KDM2A: variants seen among roughly 807,000 people sequenced by gnomAD.
KDM2A encodes the protein lysine-specific demethylase 2A.
A neutral mutation model predicts 137.3 loss-of-function variants in KDM2A; 3 were observed. The ratio of observed to expected loss-of-function variants is 0.02; its 90% CI spans 0.01 to 0.06. The LOEUF (loss-of-function observed/expected upper bound fraction) is 0.06. KDM2A is among the 10% of genes least tolerant of loss of function. KDM2A has a pLI of 1.00. For missense variants in KDM2A, 738 were observed against 1,510.6 expected, an observed-to-expected ratio of 0.49 and a Z score of 8.48; for synonymous variants, 512 against 541.5, an observed-to-expected ratio of 0.95 and a Z score of 0.76.
At chr11:67,120,647 G>T (rs561736776) in intron 1 of KDM2A, among the ~76,000 whole-genome samples, 26 of 152,156 alleles carry the variant, frequency 1.7e-4, no homozygotes, top group Non-Finnish European at 3.7e-4. Context: ...CACATCTTGT[G>T]TTGGGGTGGA....
At chr11:67,128,493 C>A (rs1215510882) in intron 2 of KDM2A, among the ~76,000 whole-genome samples, 3 of 151,342 alleles carry the variant, frequency 2.0e-5, no homozygotes, top group Non-Finnish European at 4.4e-5. Context: ...AGTCTTTAGT[C>A]TGTGTTGGTA....
At chr11:67,155,877 A>C (rs1374649480) in intron 2 of KDM2A, among the ~76,000 whole-genome samples, 1 of 142,560 alleles carries the variant, frequency 7.0e-6, no homozygotes, top group Non-Finnish European at 1.5e-5. Context: ...CGGCCTCCCA[A>C]AGTGCTGGGA....
intron 5 of KDM2A, among the ~76,000 whole-genome samples, chr11:67,187,375 G>A (rs1857233767): frequency 6.6e-6 from 1 of 151,986 alleles, no homozygotes. Flanking sequence ...GGATAAAAAT[G>A]GCATGACACA....
intron 15 of KDM2A, among the ~76,000 whole-genome samples, chr11:67,247,303 C>T (rs550516841): frequency 1.6e-4 from 24 of 148,284 alleles, no homozygotes; most frequent in African/African-American, 4.4e-4. Context: ...TTGGCCAGGC[C>T]GGTCTCGAAC....
At chr11:67,180,407 C>T (rs1857065403) in intron 3 of KDM2A, 190 bp downstream of exon 3, 1 of 504,924 alleles carries the variant, frequency 2.0e-6, no homozygotes, top group African/African-American at 2.0e-5. Flanking sequence ...TCATTCTCTC[C>T]TATATTAGAA....
chr11:67,248,825 C>T lies in KDM2A; in HGVS notation c.2055+455C>T, dbSNP rs183025155. 6.6e-5 allele frequency among the ~76,000 whole-genome samples: 10 copies of T among 152,298 alleles called. No homozygotes were observed. The East Asian group carries it at 1.9e-3, about 29-fold the overall frequency. On this transcript the variant is annotated intron_variant, in intron 16 of 20. Transcript: ENST00000529006. ...TTTGTGGCCTGGCAGAAAGCCCTGC[C>T]CTGCCCATCCCACATGCCCAAATGT...
Position 67,181,834 on chromosome 11 carries a change from T to G in KDM2A, c.261-12T>G, listed in dbSNP as rs770062376. On this transcript the variant is annotated splice_polypyrimidine_tract_variant and intron_variant, in intron 4 of 20. Coordinates refer to ENST00000529006, the MANE Select transcript of KDM2A (RefSeq NM_012308.3). ...TGTTTTCCATATATACTTACTGGTG[T>G]TTGTTTCATAGAATGCCGGATCCAG... 32 of 1,613,020 alleles carry G rather than the reference T, an allele frequency of 2.0e-5. No individual in the cohort carries two copies. Among genetic ancestry groups the G allele is most frequent in the Non-Finnish European group, 2.5e-6 (3 of 1,179,160 alleles).
chr11:67,169,145 G>A (rs1856818736), intron 2 of KDM2A, among the ~76,000 whole-genome samples: 1 of 151,448 alleles, frequency 6.6e-6, no homozygotes, highest in East Asian at 2.0e-4. Context: ...TAGTAGAGAT[G>A]GGGTTTCAAC....
intron 5 of KDM2A, among the ~76,000 whole-genome samples, chr11:67,192,755 G>A (rs1045079159): frequency 1.3e-5 from 2 of 151,186 alleles, no homozygotes; most frequent in African/African-American, 2.4e-5. Flanking sequence ...TCCATTTCTT[G>A]TCTTACAAAT....
intron 2 of KDM2A, among the ~76,000 whole-genome samples, chr11:67,128,953 C>T (rs1855791024): frequency 6.6e-6 from 1 of 152,196 alleles, no homozygotes; most frequent in African/African-American, 2.4e-5. Flanking sequence ...TGCAGTGGCT[C>T]TCACCTGTGG....
At chr11:67,121,634 T>G (rs1279810446) in intron 2 of KDM2A, among the ~76,000 whole-genome samples, 1 of 152,186 alleles carries the variant, frequency 6.6e-6, no homozygotes, top group African/African-American at 2.4e-5. Context: ...GATTACAATG[T>G]GACAAAGATT....
chr11:67,250,619 G>C lies in KDM2A; in HGVS notation c.2589G>C (p.Glu863Asp), dbSNP rs576681001. 1 of 1,613,102 alleles carries C rather than the reference G, an allele frequency of 6.2e-7. No individual in the cohort carries two copies. The highest frequency in any genetic ancestry group is 1.1e-5 in the South Asian group (1 of 91,028). Residue 863 changes from glutamate to aspartate, a missense_variant, in exon 17 of 21, where the codon GAG (glutamate) becomes GAC (aspartate). Physicochemically the swap from Glu to Asp is conservative, Grantham distance 45 (BLOSUM62 2). Around this residue, in one of 9 missense-constraint regions of KDM2A, gnomAD observed 244 missense variants for 324.6 expected, o/e 0.75. Transcript: ENST00000529006. This position sits in a 1 kb window ranked among gnomAD's most constrained non-coding sequence, Gnocchi z 7.1. ...GAGAGGAGGAGGAAGAGGAGGAGGA[G>C]GAGGAGGAAGATGACAGTGCAGAGG... is the stretch of plus-strand genomic sequence containing the variant. ...LGGEEEEEEE[E>D]EEEDDSAEEG...
At position 67,250,412 on chromosome 11, in the gene KDM2A, C is replaced by A. The variant is rs753904590; in HGVS notation, c.2382C>A (p.Ile794=). 2.5e-6 allele frequency: 4 copies of A among 1,614,052 alleles called. No homozygotes were observed. The change falls in exon 17 of 21, where the codon ATC becomes ATA. Residue 794 remains isoleucine (I), a synonymous_variant. Coordinates refer to ENST00000529006, the MANE Select transcript of KDM2A (RefSeq NM_012308.3). The surrounding 1 kb of genome is among the most constrained non-coding windows in gnomAD (Gnocchi z 7.1). The part of the protein sequence containing the change: ...KELSEVEKAK[I]RGSYLTVTLQ... Reference sequence around the variant, plus strand: ...TGTCTGAAGTTGAGAAAGCCAAGATCCGGGGATCGTACCTCACTGTCACGC... The same window carrying A: ...TGTCTGAAGTTGAGAAAGCCAAGATACGGGGATCGTACCTCACTGTCACGC...
intron 6 of KDM2A, among the ~76,000 whole-genome samples, chr11:67,213,388 G>A (rs1858054824): frequency 6.6e-6 from 1 of 152,108 alleles, no homozygotes; most frequent in African/African-American, 2.4e-5. Flanking sequence ...GACACTTGAA[G>A]GCACAGGAAA....
chr11:67,242,330 T>G (rs1859071046), intron 12 of KDM2A, among the ~76,000 whole-genome samples: 1 of 151,708 alleles, frequency 6.6e-6, no homozygotes. Context: ...GAAAGAGATT[T>G]GAGATTGAGA....
chr11:67,256,872 A>AC lies in KDM2A; in HGVS notation c.*1820dup, dbSNP rs1258859712. 10 of 152,470 alleles carry AC rather than the reference A, an allele frequency of 6.6e-5. No individual in the cohort carries two copies. The allele number at this position is 152,470 out of a possible 1,614,324, so 9.4% of individuals were successfully genotyped here. A position where few individuals can be genotyped will look rare whatever the true frequency, so the allele number is the denominator to read the frequency against. ...TTACAAACAGCAGTCTGCTCCCATGACCCTCTGCCCACTTCCATTGGTCTC... is the reference window on the plus strand; with the variant it reads ...TTACAAACAGCAGTCTGCTCCCATGACCCCTCTGCCCACTTCCATTGGTCTC... On this transcript the variant is annotated 3_prime_UTR_variant, in exon 21 of 21. Transcript: ENST00000529006.
At chr11:67,156,630 A>G (rs1856521023) in intron 2 of KDM2A, among the ~76,000 whole-genome samples, 1 of 151,342 alleles carries the variant, frequency 6.6e-6, no homozygotes, top group African/African-American at 2.4e-5. Flanking sequence ...GAGGCAGGAG[A>G]ATGGCGTGAA....
rs1590789839 is a variant in KDM2A at position 67,211,651 on chromosome 11, A to G, written c.487-3689A>G. Among the ~76,000 whole-genome samples the G allele has an allele frequency of 2.7e-5, 4 of 148,054 alleles. No individual in the cohort carries two copies. In the South Asian group the frequency reaches 8.5e-4, roughly 31 times the overall value. ...AAAAAAAAAAAAAAAGAATATATAT[A>G]TAATAGCCTATTAGTAGTTCTTTTT... On this transcript the variant is annotated intron_variant, in intron 6 of 20. Transcript: ENST00000529006.
intron 12 of KDM2A, among the ~76,000 whole-genome samples, chr11:67,232,725 TGAGAC>T (rs1858753314): frequency 6.6e-6 from 1 of 151,886 alleles, no homozygotes. Context: ...TTAATTTATT[TGAGAC>T]GGAGTCTCAC....
Sources: allele counts gnomAD v4.1 joint callset (sites outside exome capture counted in the v4.1 genomes callset), GRCh38; gene constraint gnomAD v4.1.1; regional missense constraint gnomAD v4.1.1; non-coding constraint Gnocchi (gnomAD v3.1); transcripts MANE v1.5; gene names NCBI Gene and HGNC (gene_info 2026-07-23, HGNC 2026-07-21).